Variants in PKHD1L1 observed in about 807,000 individuals in gnomAD.
PKHD1L1 encodes the protein fibrocystin-L.
PKHD1L1 carries 434 observed loss-of-function variants against 462.9 expected under a neutral mutation model. The ratio of observed to expected loss-of-function variants is 0.94; its 90% CI spans 0.87 to 1.02. The LOEUF is 1.02. PKHD1L1 is among the 50% of genes least tolerant of loss of function. The probability of loss-of-function intolerance (pLI) is 0.00; values close to 1 mark genes in which losing one functional copy is unlikely to be tolerated. For missense variants in PKHD1L1, 5,202 were observed against 5,096.1 expected, an observed-to-expected ratio of 1.02 and a Z score of -0.63; for synonymous variants, 1,781 against 1,750.0, an observed-to-expected ratio of 1.02 and a Z score of -0.44.
In PKHD1L1 at chr8:109,526,668, A is replaced by G. The variant is rs868673590; in HGVS notation, c.12485-116A>G. The G allele has an allele frequency of 2.7e-4, 253 of 930,174 alleles. No homozygotes were observed. Among genetic ancestry groups the G allele is most frequent in the Middle Eastern group, 2.1e-3 (6 of 2,916 alleles). 57.6% of individuals were successfully genotyped at this position (930,174 alleles called of 1,614,324 possible). A position where few individuals can be genotyped will look rare whatever the true frequency, so the allele number is the denominator to read the frequency against. On this transcript the variant is annotated intron_variant, in intron 76 of 77. Coordinates refer to ENST00000378402, the MANE Select transcript of PKHD1L1 (RefSeq NM_177531.6). ...CTAATTTATTTGACTCAACTTTCAA[A>G]AATATTTCATCAGGATCTATATAGT... is the stretch of plus-strand genomic sequence containing the variant.
chr8:109,524,397 G>T (rs968445702), intron 76 of PKHD1L1, among the ~76,000 whole-genome samples: 1 of 152,114 alleles, frequency 6.6e-6, no homozygotes. Context: ...CTGCTTTCTG[G>T]TTTAGAACAG....
chr8:109,456,937 C>T (rs569242084), intron 46 of PKHD1L1, among the ~76,000 whole-genome samples: 8 of 152,056 alleles, frequency 5.3e-5, no homozygotes, highest in African/African-American at 1.7e-4. Context: ...TTCACATAAC[C>T]TTTTAGGTGC....
At position 109,536,387 on chromosome 8, in the gene PKHD1L1, G is replaced by A. The variant is rs145439249; in HGVS notation, c.*6297G>A. ...TAGCTCAATGAATGAGTCTCACATTGTTTCATGTTGTTTTATTTCTACTTT... is the reference window on the plus strand; with the variant it reads ...TAGCTCAATGAATGAGTCTCACATTATTTCATGTTGTTTTATTTCTACTTT... On this transcript the variant is annotated 3_prime_UTR_variant, in exon 78 of 78. Coordinates refer to ENST00000378402, the MANE Select transcript of PKHD1L1 (RefSeq NM_177531.6). Among the ~76,000 whole-genome samples the A allele has an allele frequency of 6.6e-6, 1 of 152,290 alleles. No individual in the cohort carries two copies. Among genetic ancestry groups the A allele is most frequent in the African/African-American group, 2.4e-5 (1 of 41,560 alleles).
chr8:109,475,806 C>T (rs1474702043), intron 51 of PKHD1L1, among the ~76,000 whole-genome samples: 2 of 145,262 alleles, frequency 1.4e-5, no homozygotes, highest in Admixed American at 7.1e-5. Flanking sequence ...CAAGATCGCC[C>T]CACTGTACTC....
At chr8:109,502,895 A>G (rs1200993775) in intron 67 of PKHD1L1, among the ~76,000 whole-genome samples, 3 of 152,234 alleles carry the variant, frequency 2.0e-5, no homozygotes, top group African/African-American at 7.2e-5. Flanking sequence ...ATTGAGGCAA[A>G]AGGTTCTTCC....
intron 17 of PKHD1L1, 63 bp from the exon 18 acceptor site, chr8:109,407,986 A>G (rs1293413477): frequency 8.2e-6 from 9 of 1,092,950 alleles, no homozygotes; most frequent in Non-Finnish European, 1.1e-5. Flanking sequence ...TAAAATATAT[A>G]GTTTTATATA....
Position 109,401,775 on chromosome 8 carries a change from A to G in PKHD1L1, c.1373+187A>G, listed in dbSNP as rs956565400. Among the ~76,000 whole-genome samples, 8 of 152,154 alleles carry G rather than the reference A, an allele frequency of 5.3e-5. No individual in the cohort carries two copies. The South Asian group carries it at 1.7e-3, about 31-fold the overall frequency. ...TGATTTTCAAGAATACTGGCATTCA[A>G]CTAACCAGGGAAATTTGAAGTCTAG... On this transcript the variant is annotated intron_variant, in intron 14 of 77. Coordinates refer to ENST00000378402, the MANE Select transcript of PKHD1L1 (RefSeq NM_177531.6).
Position 109,504,141 on chromosome 8 carries a change from T to G in PKHD1L1, c.10829-186T>G, listed in dbSNP as rs931528605. Among the ~76,000 whole-genome samples, 6 of 152,218 alleles carry G rather than the reference T, an allele frequency of 3.9e-5. 1 individual carries two copies. The highest frequency in any genetic ancestry group is 8.8e-5 in the Non-Finnish European group (6 of 68,040). On this transcript the variant is annotated intron_variant, in intron 67 of 77. Transcript: ENST00000378402. ...GAAAATATGGGAGATCATTACCCAG[T>G]GATATGGATATTGATATTGGGAGGC...
Position 109,531,829 on chromosome 8 carries a change from T to C in PKHD1L1, c.*1739T>C, listed in dbSNP as rs1380842364. Among the ~76,000 whole-genome samples the C allele has an allele frequency of 6.6e-6, 1 of 151,972 alleles. No individual in the cohort carries two copies. Among genetic ancestry groups the C allele is most frequent in the Non-Finnish European group, 1.5e-5 (1 of 67,978 alleles). ...TTTATACTCCCCTCAGTTCCAACCC[T>C]GGTGGGGTGAAAAACCTCTGTTCCT... On this transcript the variant is annotated 3_prime_UTR_variant, in exon 78 of 78. Transcript: ENST00000378402.
intron 73 of PKHD1L1, among the ~76,000 whole-genome samples, chr8:109,520,015 A>G (rs1355083466): frequency 3.3e-5 from 5 of 152,074 alleles, no homozygotes; most frequent in Non-Finnish European, 7.4e-5. Context: ...CACCTACCAC[A>G]TTATCACTCT....
At chr8:109,449,277 G>A (rs1326688925) in intron 39 of PKHD1L1, 61 bp from the exon 40 acceptor site, 7 of 1,442,982 alleles carry the variant, frequency 4.9e-6, no homozygotes, top group Non-Finnish European at 6.5e-6. Flanking sequence ...TAAAAAATAT[G>A]TACACAGAAG....
intron 14 of PKHD1L1, among the ~76,000 whole-genome samples, chr8:109,403,785 A>G (rs1247755101): frequency 2.0e-5 from 3 of 152,122 alleles, no homozygotes; most frequent in African/African-American, 7.2e-5. Flanking sequence ...TTCTTCCTAT[A>G]TAAGAATATA....
intron 68 of PKHD1L1, among the ~76,000 whole-genome samples, chr8:109,505,042 T>C (rs1053346255): frequency 5.3e-5 from 8 of 150,342 alleles, no homozygotes; most frequent in African/African-American, 2.0e-4. Flanking sequence ...CCTGGCTTAA[T>C]TATTATTATT....
chr8:109,488,417 A>G (rs1263449137), intron 59 of PKHD1L1, among the ~76,000 whole-genome samples: 1 of 152,022 alleles, frequency 6.6e-6, no homozygotes, highest in Non-Finnish European at 1.5e-5. Context: ...TCCTCTTGAC[A>G]TGACTTAGTT....
chr8:109,461,631 TG>T, intron 47 of PKHD1L1, 140 bp from the exon 48 acceptor site: 3 of 880,830 alleles, frequency 3.4e-6, no homozygotes, highest in Non-Finnish European at 5.1e-6. Context: ...AAAGAGGAAA[TG>T]ATGTGAATGC....
Position 109,396,049 on chromosome 8 carries a change from A to G in PKHD1L1, c.834A>G (p.Ser278=), listed in dbSNP as rs757086245. Residue 278 remains serine, a synonymous_variant, in exon 11 of 78, where the codon TCA becomes TCG. Coordinates refer to ENST00000378402, the MANE Select transcript of PKHD1L1 (RefSeq NM_177531.6). ...CAGAGGTCACCATGATTTTCCCTTCACAAGGAAGCATTCGAGGTGGCACCA... is the reference window on the plus strand; with the variant it reads ...CAGAGGTCACCATGATTTTCCCTTCGCAAGGAAGCATTCGAGGTGGCACCA... ...TYAEVTMIFP[S]QGSIRGGTTL... 24 of 1,603,358 alleles carry G rather than the reference A, an allele frequency of 1.5e-5. No homozygotes were observed. The South Asian group carries it at 2.5e-4, about 17-fold the overall frequency.
chr8:109,424,034 A>C (rs1045170570), intron 23 of PKHD1L1, among the ~76,000 whole-genome samples: 1 of 152,126 alleles, frequency 6.6e-6, no homozygotes. Flanking sequence ...CATTTTTACA[A>C]AGTAGATACA....
intron 71 of PKHD1L1, among the ~76,000 whole-genome samples, chr8:109,511,785 G>A (rs1323678001): frequency 6.6e-6 from 1 of 152,110 alleles, no homozygotes; most frequent in African/African-American, 2.4e-5. Context: ...CTTCCACAGG[G>A]GTTGAACTAG....
Position 109,524,302 on chromosome 8 carries a change from C to A in PKHD1L1, c.12484+916C>A, listed in dbSNP as rs182849364. Among the ~76,000 whole-genome samples the A allele has an allele frequency of 2.0e-5, 3 of 152,190 alleles. No homozygotes were observed. In the East Asian group the frequency reaches 5.8e-4, roughly 29 times the overall value. On this transcript the variant is annotated intron_variant, in intron 76 of 77. Transcript: ENST00000378402. Reference sequence around the variant, plus strand: ...TTGTTTCTCCATGCTTTGATAGTGCCCTAAGCCAGATATGTTCAGTCTGCC... The same window carrying A: ...TTGTTTCTCCATGCTTTGATAGTGCACTAAGCCAGATATGTTCAGTCTGCC...
Sources: gnomAD v4.1 joint callset for allele counts (sites outside exome capture counted in the v4.1 genomes callset) on GRCh38, gnomAD v4.1.1 for gene constraint, MANE v1.5 for transcripts, NCBI Gene and HGNC (gene_info 2026-07-23, HGNC 2026-07-21) for gene names.